CIROP: variants seen among roughly 807,000 people sequenced by gnomAD.
CIROP encodes ciliated left-right organizer metallopeptidase.
chr14:23,104,837 TGTCTC>T, the CIROP span: 1 of 702,992 alleles, frequency 1.4e-6, no homozygotes, highest in East Asian at 2.7e-5. Context: ...CAGACTTCTG[TGTCTC>T]ATCATGTAGA....
chr14:23,101,988 A>G, the CIROP span: 72 of 701,158 alleles, frequency 1.0e-4, no homozygotes, highest in Middle Eastern at 1.6e-3. Context: ...CTATCCTCAC[A>G]GCTTCGATTA....
At chr14:23,101,359 C>T in the CIROP span, 11 of 546,140 alleles carry the variant, frequency 2.0e-5, no homozygotes, top group South Asian at 2.7e-4. Context: ...GTAAGCTCCC[C>T]TCCCTGTGCA....
chr14:23,101,538 T>TC, the CIROP span: 1 of 654,018 alleles, frequency 1.5e-6, no homozygotes, highest in Non-Finnish European at 2.8e-6. Context: ...CAGCAGGGAA[T>TC]CCGTTTTCCT....
At chr14:23,101,088 A>AAAT in the CIROP span, 1 of 400,478 alleles carries the variant, frequency 2.5e-6, no homozygotes, top group African/African-American at 2.1e-5. Context: ...ATCTGCAAGG[A>AAAT]AATAGGTAGC....
chr14:23,101,757 C>T, the CIROP span: 1 of 702,898 alleles, frequency 1.4e-6, no homozygotes, highest in Non-Finnish European at 2.6e-6. Context: ...GTAGTGGCAG[C>T]CCAGCCCACT....
At chr14:23,101,541 G>A in the CIROP span, 16 of 657,598 alleles carry the variant, frequency 2.4e-5, no homozygotes, top group Non-Finnish European at 3.6e-5. Context: ...CAGGGAATCC[G>A]TTTTCCTTCT....
chr14:23,102,240 C>A, the CIROP span: 1 of 702,982 alleles, frequency 1.4e-6, no homozygotes, highest in Non-Finnish European at 2.6e-6. Flanking sequence ...GTAGTCTGGC[C>A]TCCCAGTGCG....
the CIROP span, chr14:23,102,300 G>A: frequency 1.4e-6 from 1 of 702,436 alleles, no homozygotes; most frequent in South Asian, 1.5e-5. Context: ...GTTGTTAGCT[G>A]GCTACTCCTT....
At chr14:23,104,290 T>C in the CIROP span, 2 of 691,828 alleles carry the variant, frequency 2.9e-6, no homozygotes, top group Admixed American at 2.0e-5. Context: ...TTCAAGAGGC[T>C]GCACCTATAA....
chr14:23,104,969 C>T, the CIROP span: 2 of 641,624 alleles, frequency 3.1e-6, no homozygotes, highest in Admixed American at 2.4e-5. Flanking sequence ...TGTCTTCCGT[C>T]CCCTTGTTCC....
At chr14:23,101,289 C>A in the CIROP span, 1 of 491,314 alleles carries the variant, frequency 2.0e-6, no homozygotes, top group South Asian at 4.3e-5. Flanking sequence ...TTATGGTACC[C>A]ACCTGTATAA....
At chr14:23,101,996 T>A in the CIROP span, 1 of 701,152 alleles carries the variant, frequency 1.4e-6, no homozygotes, top group Admixed American at 2.0e-5. Context: ...ACAGCTTCGA[T>A]TATACATCAG....
the CIROP span, chr14:23,101,818 C>T: frequency 1.1e-5 from 8 of 702,730 alleles, no homozygotes; most frequent in Non-Finnish European, 1.8e-5. Flanking sequence ...GCCATACAGT[C>T]CCCTAACCAC....
chr14:23,101,040 G>C, the CIROP span: 1 of 399,304 alleles, frequency 2.5e-6, no homozygotes, highest in Non-Finnish European at 4.4e-6. Flanking sequence ...TGACACAGCC[G>C]ACCCCGGGGA....
the CIROP span, chr14:23,099,673 C>A: frequency 2.7e-6 from 1 of 366,336 alleles, no homozygotes. Flanking sequence ...AATTCTCCTG[C>A]CTCAACCTTC....
the CIROP span, chr14:23,100,121 G>C: frequency 6.1e-6 from 1 of 165,170 alleles, no homozygotes; most frequent in African/African-American, 2.4e-5. Flanking sequence ...TGGCATGGTG[G>C]TGTGCACCTG....
chr14:23,103,581 A>ACAAAG, the CIROP span: 9 of 625,412 alleles, frequency 1.4e-5, no homozygotes, highest in East Asian at 2.5e-4. Flanking sequence ...ACAAAACAAA[A>ACAAAG]CAAAACAAAA....
At chr14:23,103,026 C>T in the CIROP span, 3 of 574,336 alleles carry the variant, frequency 5.2e-6, no homozygotes, top group Non-Finnish European at 9.2e-6. Flanking sequence ...CAGCTGGCAG[C>T]AGGCAGCATA....
chr14:23,104,713 C>T, the CIROP span: 2 of 702,870 alleles, frequency 2.8e-6, no homozygotes, highest in Admixed American at 4.0e-5. Flanking sequence ...ATATGATCTC[C>T]TAGATAGCAG....
Sources: gnomAD v4.1 joint callset for allele counts on GRCh38, gnomAD v4.1.1 for gene constraint, MANE v1.5 for transcripts, NCBI Gene and HGNC (gene_info 2026-07-23, HGNC 2026-07-21) for gene names.